FOXRED1: variants seen among roughly 807,000 people sequenced by gnomAD.
The protein encoded by FOXRED1 is FAD-dependent oxidoreductase domain-containing protein 1.
A neutral mutation model predicts 57.8 loss-of-function variants in FOXRED1; 52 were observed. The ratio of observed to expected loss-of-function variants is 0.90; its 90% CI spans 0.72 to 1.13. The LOEUF (loss-of-function observed/expected upper bound fraction) is 1.13. Among genes scored for constraint, FOXRED1 ranks in the 50% most tolerant of loss-of-function variants. The probability of loss-of-function intolerance (pLI) is 0.00; values close to 1 mark genes in which losing one functional copy is unlikely to be tolerated. For missense variants in FOXRED1, 589 were observed against 625.2 expected (o/e 0.94, Z 0.62); for synonymous variants, 271 against 248.3 (o/e 1.09, Z -0.86).
In FOXRED1 at chr11:126,269,311, A is replaced by G; in HGVS notation, c.85+20A>G. ...CTCTGGGTAAAGTTGAGGACGACAG[A>G]GGGTATTGTGGTTCTGGGTTGTCCC... is the stretch of plus-strand genomic sequence containing the variant. On this transcript the variant is annotated intron_variant, in intron 1 of 10. Coordinates refer to ENST00000263578, the MANE Select transcript of FOXRED1 (RefSeq NM_017547.4). 6.2e-7 allele frequency: 1 copy of G among 1,614,004 alleles called. No individual in the cohort carries two copies.
chr11:126,272,330 G>A lies in FOXRED1; in HGVS notation c.307-639G>A, dbSNP rs189458480. On this transcript the variant is annotated intron_variant, in intron 2 of 10. Transcript: ENST00000263578. This position sits in a 1 kb window ranked among gnomAD's most constrained non-coding sequence, Gnocchi z 4.6. ...GCATTTTATTGTATTTATTTATTTC[G>A]AGACAGGGTCTCGCTCTGTTGCCCA... The A allele has an allele frequency of 5.6e-3, 910 of 162,222 alleles. 9 individuals carry two copies. The highest frequency in any genetic ancestry group is 0.021 in the African/African-American group (858 of 41,228). The allele number at this position is 162,222 out of a possible 1,614,324, so 10.0% of individuals were successfully genotyped here.
Position 126,277,323 on chromosome 11 carries a change from C to T in FOXRED1, c.1207-112C>T. Reference sequence around the variant, plus strand: ...GGAATTTCTTGGACACATCCCATCCCATAGACCCCTCAGCAGCAGGTAGAG... The same window carrying T: ...GGAATTTCTTGGACACATCCCATCCTATAGACCCCTCAGCAGCAGGTAGAG... On this transcript the variant is annotated intron_variant, in intron 10 of 10. Coordinates refer to ENST00000263578, the MANE Select transcript of FOXRED1 (RefSeq NM_017547.4). The surrounding 1 kb of genome is among the most constrained non-coding windows in gnomAD (Gnocchi z 6.8). The T allele has an allele frequency of 6.5e-6, 9 of 1,380,022 alleles. No homozygotes were observed. Among genetic ancestry groups the T allele is most frequent in the Non-Finnish European group, 9.3e-6 (9 of 969,062 alleles). 85.5% of individuals were successfully genotyped at this position (1,380,022 alleles called of 1,614,324 possible).
rs1950973112 is a variant in FOXRED1 at position 126,271,051 on chromosome 11, G to A, written c.86-386G>A. On this transcript the variant is annotated intron_variant, in intron 1 of 10. Coordinates refer to ENST00000263578, the MANE Select transcript of FOXRED1 (RefSeq NM_017547.4). The surrounding 1 kb of genome is among the most constrained non-coding windows in gnomAD (Gnocchi z 5.3). The stretch of plus-strand genomic sequence containing the variant: ...GATAAGCATGGCACCGCTTAGCGGT[G>A]ACATGCTTCAGAGGGTGCCGTGACT... 3.1e-6 allele frequency: 1 copy of A among 325,154 alleles called. No homozygotes were observed. The allele number at this position is 325,154 out of a possible 1,614,324, so 20.1% of individuals were successfully genotyped here.
intron 1 of FOXRED1, among the ~76,000 whole-genome samples, chr11:126,270,056 A>G (rs1950937815): frequency 6.6e-6 from 1 of 152,038 alleles, no homozygotes; most frequent in South Asian, 2.1e-4. Flanking sequence ...AGCTAGTATA[A>G]CGGTAGAAGT....
chr11:126,273,094 A>G lies in FOXRED1; in HGVS notation c.417+15A>G, dbSNP rs1339501789. On this transcript the variant is annotated intron_variant, in intron 3 of 10. Transcript: ENST00000263578. The surrounding 1 kb of genome is among the most constrained non-coding windows in gnomAD (Gnocchi z 5.9). ...GGAACATCAATGTAGGTGCAATGAT[A>G]TCCGGGATGTTGGGGTGGTTACCCC... 47 of 1,391,780 alleles carry G rather than the reference A, an allele frequency of 3.4e-5. No homozygotes were observed. The highest frequency in any genetic ancestry group is 4.6e-5 in the Non-Finnish European group (45 of 977,284). The allele number at this position is 1,391,780 out of a possible 1,614,324, so 86.2% of individuals were successfully genotyped here. A position where few individuals can be genotyped will look rare whatever the true frequency, so the allele number is the denominator to read the frequency against.
At position 126,272,509 on chromosome 11, in the gene FOXRED1, C is replaced by A; in HGVS notation, c.307-460C>A. On this transcript the variant is annotated intron_variant, in intron 2 of 10. Coordinates refer to ENST00000263578, the MANE Select transcript of FOXRED1 (RefSeq NM_017547.4). The surrounding 1 kb of genome is among the most constrained non-coding windows in gnomAD (Gnocchi z 4.6). ...GGTTTTGCCACGTTGCCCAGCTGGTCTCAGATTCCTGAACTCAAGCAATCA... is the reference window on the plus strand; with the variant it reads ...GGTTTTGCCACGTTGCCCAGCTGGTATCAGATTCCTGAACTCAAGCAATCA... The A allele has an allele frequency of 4.1e-6, 1 of 242,036 alleles. No homozygotes were observed. The highest frequency in any genetic ancestry group is 5.0e-5 in the South Asian group (1 of 20,074). 15.0% of individuals were successfully genotyped at this position (242,036 alleles called of 1,614,324 possible).
intron 1 of FOXRED1, among the ~76,000 whole-genome samples, chr11:126,270,139 C>G (rs1950940462): frequency 6.6e-6 from 1 of 152,096 alleles, no homozygotes; most frequent in Non-Finnish European, 1.5e-5. Flanking sequence ...GTGTTCCAGT[C>G]TCTAAATAAC....
chr11:126,271,615 A>G lies in FOXRED1; in HGVS notation c.264A>G (p.Arg88=), dbSNP rs1230719251. Residue 88 remains arginine (R), a synonymous_variant, in exon 2 of 11, where the codon AGA becomes AGG. Coordinates refer to ENST00000263578, the MANE Select transcript of FOXRED1 (RefSeq NM_017547.4). The surrounding 1 kb of genome is among the most constrained non-coding windows in gnomAD (Gnocchi z 5.3). ...ATTGGCTGAAGAAGCTGGAGAGCAG[A>G]CGAGGTGCTATTCGAGTGCTAGTGG... ...VAYWLKKLES[R]RGAIRVLVVE... 1.9e-6 allele frequency: 3 copies of G among 1,614,154 alleles called. No individual in the cohort carries two copies. In the Admixed American group the frequency reaches 5.0e-5, roughly 27 times the overall value.
In FOXRED1 at chr11:126,273,799, C is replaced by T. The variant is rs946293150; in HGVS notation, c.536+345C>T. The stretch of plus-strand genomic sequence containing the variant: ...TTAGCAAACTTTTTCTGTAAAGGGC[C>T]AGATAGTATATATTTTAGGTTTTGC... On this transcript the variant is annotated intron_variant, in intron 4 of 10. Coordinates refer to ENST00000263578, the MANE Select transcript of FOXRED1 (RefSeq NM_017547.4). This position sits in a 1 kb window ranked among gnomAD's most constrained non-coding sequence, Gnocchi z 5.9. The T allele has an allele frequency of 2.8e-6, 1 of 354,968 alleles. No individual in the cohort carries two copies. The highest frequency in any genetic ancestry group is 5.5e-6 in the Non-Finnish European group (1 of 183,314). 22.0% of individuals were successfully genotyped at this position (354,968 alleles called of 1,614,324 possible).
rs1294802650 is a variant in FOXRED1, at chr11:126,272,480, A to G, written c.307-489A>G. The G allele has an allele frequency of 1.7e-5, 4 of 236,826 alleles. No individual in the cohort carries two copies. The highest frequency in any genetic ancestry group is 9.2e-5 in the African/African-American group (4 of 43,610). The allele number at this position is 236,826 out of a possible 1,614,324, so 14.7% of individuals were successfully genotyped here. Reference sequence around the variant, plus strand: ...GCTAATTTCTGTATTTTTTGTAGAAATGGGGTTTTGCCACGTTGCCCAGCT... The same window carrying G: ...GCTAATTTCTGTATTTTTTGTAGAAGTGGGGTTTTGCCACGTTGCCCAGCT... On this transcript the variant is annotated intron_variant, in intron 2 of 10. Coordinates refer to ENST00000263578, the MANE Select transcript of FOXRED1 (RefSeq NM_017547.4). This position sits in a 1 kb window ranked among gnomAD's most constrained non-coding sequence, Gnocchi z 4.6.
Position 126,277,774 on chromosome 11 carries a change from T to C in FOXRED1, c.*85T>C, listed in dbSNP as rs372575072. ...TTGCTGCTTCCATCTTCCCCAGTAC[T>C]GTGCCAGGCCTTCTCCCCCTCCCCA... On this transcript the variant is annotated 3_prime_UTR_variant, in exon 11 of 11. Coordinates refer to ENST00000263578, the MANE Select transcript of FOXRED1 (RefSeq NM_017547.4). This position sits in a 1 kb window ranked among gnomAD's most constrained non-coding sequence, Gnocchi z 6.8. The C allele has an allele frequency of 5.4e-4, 786 of 1,455,904 alleles. 17 individuals are homozygous for C. The South Asian group carries it at 8.5e-3, about 16-fold the overall frequency. 90.2% of individuals were successfully genotyped at this position (1,455,904 alleles called of 1,614,324 possible).
intron 1 of FOXRED1, among the ~76,000 whole-genome samples, chr11:126,269,784 C>T (rs1316078862): frequency 6.6e-6 from 1 of 151,826 alleles, no homozygotes; most frequent in East Asian, 1.9e-4. Flanking sequence ...CTCAAGAGTT[C>T]GAGAGCAACC....
In FOXRED1 at chr11:126,271,438, C is replaced by T; in HGVS notation, c.87C>T (p.Asp29=). The change falls in exon 2 of 11, where the codon GAC becomes GAT. Residue 29 remains aspartate, a splice_region_variant and synonymous_variant. Transcript: ENST00000263578. This position sits in a 1 kb window ranked among gnomAD's most constrained non-coding sequence, Gnocchi z 5.3. ...PGTRRGGFSL[D]WDGKVSEIKK... The stretch of plus-strand genomic sequence containing the variant: ...TCTGACCCTAACTACATCCCACAGA[C>T]TGGGATGGAAAGGTGTCTGAGATTA... The T allele has an allele frequency of 1.2e-6, 2 of 1,607,878 alleles. No individual in the cohort carries two copies. Among genetic ancestry groups the T allele is most frequent in the Non-Finnish European group, 1.7e-6 (2 of 1,174,308 alleles).
intron 1 of FOXRED1, among the ~76,000 whole-genome samples, chr11:126,270,441 G>A (rs983310277): frequency 1.1e-4 from 17 of 152,244 alleles, no homozygotes; most frequent in African/African-American, 4.1e-4. Flanking sequence ...TTTAGAGTAT[G>A]TAACAATACA....
At position 126,275,510 on chromosome 11, in the gene FOXRED1, G is replaced by A; in HGVS notation, c.733+82G>A. 1 of 1,040,368 alleles carries A rather than the reference G, an allele frequency of 9.6e-7. No individual in the cohort carries two copies. 64.4% of individuals were successfully genotyped at this position (1,040,368 alleles called of 1,614,324 possible). On this transcript the variant is annotated intron_variant, in intron 6 of 10. Coordinates refer to ENST00000263578, the MANE Select transcript of FOXRED1 (RefSeq NM_017547.4). The surrounding 1 kb of genome is among the most constrained non-coding windows in gnomAD (Gnocchi z 5.9). ...TCTTCTCACTCACAAGCTAAGCAAG[G>A]GCTGGAGGGGGAAAGGGGTCTCCCT...
At position 126,271,607 on chromosome 11, in the gene FOXRED1, G is replaced by A. The variant is rs201415317; in HGVS notation, c.256G>A (p.Glu86Lys). 3.1e-6 allele frequency: 5 copies of A among 1,614,192 alleles called. No individual in the cohort carries two copies. Among genetic ancestry groups the A allele is most frequent in the Admixed American group, 1.7e-5 (1 of 60,026 alleles). ...LSVAYWLKKL[E>K]SRRGAIRVLV... ...TGTGGCCTATTGGCTGAAGAAGCTG[G>A]AGAGCAGACGAGGTGCTATTCGAGT... The change falls in exon 2 of 11, where the codon GAG (glutamate) becomes AAG (lysine). Residue 86 changes from glutamate to lysine, a missense_variant. Glu to Lys is a moderately conservative substitution (Grantham distance 56). Coordinates refer to ENST00000263578, the MANE Select transcript of FOXRED1 (RefSeq NM_017547.4). The surrounding 1 kb of genome is among the most constrained non-coding windows in gnomAD (Gnocchi z 5.3).
chr11:126,277,018 G>T lies in FOXRED1; in HGVS notation c.1102-53G>T, dbSNP rs1951170858. 9.0e-6 allele frequency: 10 copies of T among 1,111,434 alleles called. No homozygotes were observed. The South Asian group carries it at 1.2e-4, about 14-fold the overall frequency. The allele number at this position is 1,111,434 out of a possible 1,614,324, so 68.8% of individuals were successfully genotyped here. On this transcript the variant is annotated intron_variant, in intron 9 of 10. Transcript: ENST00000263578. This position sits in a 1 kb window ranked among gnomAD's most constrained non-coding sequence, Gnocchi z 6.8. ...CACAGGGATTGTTAAACAAGTCTGG[G>T]CCTGTCCTTGTGTCCCAGGCAATGT...
In FOXRED1 at chr11:126,273,408, T is replaced by C. The variant is rs1398366640; in HGVS notation, c.490T>C (p.Ser164Pro). Residue 164 changes from serine to proline, a missense_variant, in exon 4 of 11, where the codon TCA (serine) becomes CCA (proline). Ser to Pro is a moderately conservative substitution (Grantham distance 74). Coordinates refer to ENST00000263578, the MANE Select transcript of FOXRED1 (RefSeq NM_017547.4). This position sits in a 1 kb window ranked among gnomAD's most constrained non-coding sequence, Gnocchi z 5.9. ...FNPSGYLLLA[S>P]EKDAAAMESN... Reference sequence around the variant, plus strand: ...CCCCTCGGGCTACCTCTTGCTGGCTTCAGAAAAGGATGCTGCAGCCATGGA... The same window carrying C: ...CCCCTCGGGCTACCTCTTGCTGGCTCCAGAAAAGGATGCTGCAGCCATGGA... The C allele has an allele frequency of 6.2e-7, 1 of 1,613,866 alleles. No homozygotes were observed. The highest frequency in any genetic ancestry group is 2.2e-5 in the East Asian group (1 of 44,874).
rs1951114726 is a variant in FOXRED1, at chr11:126,275,854, G to C, written c.794G>C (p.Arg265Thr). The C allele has an allele frequency of 6.2e-7, 1 of 1,611,772 alleles. No individual in the cohort carries two copies. The highest frequency in any genetic ancestry group is 8.5e-7 in the Non-Finnish European group (1 of 1,178,018). Residue 265 changes from arginine (R) to threonine (T), a missense_variant, in exon 7 of 11, where the codon AGG (arginine) becomes ACG (threonine). Physicochemically the swap from Arg to Thr is moderately conservative, Grantham distance 71. Coordinates refer to ENST00000263578, the MANE Select transcript of FOXRED1 (RefSeq NM_017547.4). This position sits in a 1 kb window ranked among gnomAD's most constrained non-coding sequence, Gnocchi z 5.9. Reference sequence around the variant, plus strand: ...GATGACAAAGCGGTGGTCTTGAAAAGGATCCATGAAGTCCATGTAAGTTTC... The same window carrying C: ...GATGACAAAGCGGTGGTCTTGAAAACGATCCATGAAGTCCATGTAAGTTTC... ...TTDDKAVVLK[R>T]IHEVHVKMDR...
Sources: allele counts gnomAD v4.1 joint callset (sites outside exome capture counted in the v4.1 genomes callset), GRCh38; gene constraint gnomAD v4.1.1; non-coding constraint Gnocchi (gnomAD v3.1); transcripts MANE v1.5; gene names NCBI Gene and HGNC (gene_info 2026-07-23, HGNC 2026-07-21).